DYNC2H1: variants seen among roughly 807,000 people sequenced by gnomAD.
DYNC2H1 encodes cytoplasmic dynein 2 heavy chain 1.
In DYNC2H1, 410 loss-of-function variants were observed where a neutral mutation model predicts 570.0. That is an observed-to-expected ratio of 0.72 (90% CI 0.66 to 0.78). The LOEUF (loss-of-function observed/expected upper bound fraction) is 0.78, where lower values mean the gene tolerates loss of function less well. DYNC2H1 is among the 30% of genes least tolerant of loss of function. The pLI is 0.00. For missense variants in DYNC2H1, 4,865 were observed against 5,046.4 expected, an observed-to-expected ratio of 0.96 and a Z score of 1.09; for synonymous variants, 1,688 against 1,677.6, an observed-to-expected ratio of 1.01 and a Z score of -0.15.
intron 83 of DYNC2H1, among the ~76,000 whole-genome samples, chr11:103,386,967 G>A (rs1025739665): frequency 2.0e-5 from 3 of 151,664 alleles, no homozygotes; most frequent in African/African-American, 7.2e-5. Flanking sequence ...ACATACGTGT[G>A]CATGTGTCTT....
rs1941069712 is a variant in DYNC2H1 at position 103,369,789 on chromosome 11, T to C, written c.12156+11430T>C. Among the ~76,000 whole-genome samples the C allele has an allele frequency of 6.6e-6, 1 of 152,194 alleles. No individual in the cohort carries two copies. The highest frequency in any genetic ancestry group is 6.5e-5 in the Admixed American group (1 of 15,284). ...CATCACCTGCTAACTGAAGATCCCTTGTGCCCTGCATAACCAGCAGCAATA... is the reference window on the plus strand; with the variant it reads ...CATCACCTGCTAACTGAAGATCCCTCGTGCCCTGCATAACCAGCAGCAATA... On this transcript the variant is annotated intron_variant, in intron 83 of 88. Coordinates refer to ENST00000375735, the MANE Select transcript of DYNC2H1 (RefSeq NM_001377.3). This position sits in a 1 kb window ranked among gnomAD's most constrained non-coding sequence, Gnocchi z 4.0.
rs1864583879 is a variant in DYNC2H1, at chr11:103,245,589, G to T, written c.10042+215G>T. Among the ~76,000 whole-genome samples the T allele has an allele frequency of 6.6e-6, 1 of 152,060 alleles. No individual in the cohort carries two copies. The highest frequency in any genetic ancestry group is 1.5e-5 in the Non-Finnish European group (1 of 67,980). ...ACCTAGTACCCATAGTTTACTGGGGGTTGATTACGTAAGCACACTCTCCCT... is the reference window on the plus strand; with the variant it reads ...ACCTAGTACCCATAGTTTACTGGGGTTTGATTACGTAAGCACACTCTCCCT... On this transcript the variant is annotated intron_variant, in intron 65 of 88. Transcript: ENST00000375735. This position sits in a 1 kb window ranked among gnomAD's most constrained non-coding sequence, Gnocchi z 4.5.
chr11:103,149,768 G>T (rs1271398157), intron 20 of DYNC2H1, among the ~76,000 whole-genome samples: 1 of 152,024 alleles, frequency 6.6e-6, no homozygotes, highest in Admixed American at 6.6e-5. Flanking sequence ...ACACGTGTGT[G>T]CGTGTGTGTG....
At chr11:103,146,355 C>G (rs1018232460) in intron 18 of DYNC2H1, among the ~76,000 whole-genome samples, 2 of 152,076 alleles carry the variant, frequency 1.3e-5, no homozygotes, top group Non-Finnish European at 2.9e-5. Context: ...TGAGATTTTC[C>G]TCAGATGACT....
intron 83 of DYNC2H1, among the ~76,000 whole-genome samples, chr11:103,381,258 A>C (rs940970799): frequency 6.6e-6 from 1 of 152,206 alleles, no homozygotes; most frequent in Non-Finnish European, 1.5e-5. Flanking sequence ...CAGCCTTCAC[A>C]GAGATCCTAT....
chr11:103,339,700 C>T (rs1037311662), intron 82 of DYNC2H1, among the ~76,000 whole-genome samples: 1 of 152,148 alleles, frequency 6.6e-6, no homozygotes, highest in Non-Finnish European at 1.5e-5. Context: ...GCATTCCAAG[C>T]CCAGTCTCTG....
chr11:103,176,209 A>C (rs1217146966), intron 36 of DYNC2H1, 26 bp from the exon 37 acceptor site: 5 of 1,445,818 alleles, frequency 3.5e-6, no homozygotes, highest in Non-Finnish European at 4.5e-6. Context: ...AATAATAAAT[A>C]ATTTTAAAAT....
rs1334994441 is a variant in DYNC2H1 at position 103,304,655 on chromosome 11, A to G, written c.11317A>G (p.Asn3773Asp). The G allele has an allele frequency of 6.2e-7, 1 of 1,613,356 alleles. No homozygotes were observed. Among genetic ancestry groups the G allele is most frequent in the Non-Finnish European group, 8.5e-7 (1 of 1,179,580 alleles). The change falls in exon 77 of 89, where the codon AAT becomes GAT. Residue 3773 changes from asparagine to aspartate, a missense_variant. Transcript: ENST00000375735. ...AIQMLKECAR[N>D]GDWLCLKNLH... ...TCAAATGCTAAAAGAATGTGCCCGC[A>G]ATGGAGACTGGCTCTGTTTGAAGAA...
chr11:103,377,330 C>T (rs1054792688), intron 83 of DYNC2H1, among the ~76,000 whole-genome samples: 2 of 152,042 alleles, frequency 1.3e-5, no homozygotes, highest in Non-Finnish European at 2.9e-5. Flanking sequence ...CCCCCTTGGA[C>T]TGGGTTATTT....
At chr11:103,188,723 A>G (rs1862178358) in intron 44 of DYNC2H1, 75 bp downstream of exon 44, 7 of 1,142,536 alleles carry the variant, frequency 6.1e-6, no homozygotes, top group Non-Finnish European at 8.0e-6. Context: ...TAAAGTATTT[A>G]TGATAATACT....
rs1471150337 is a variant in DYNC2H1, at chr11:103,255,455, A to G, written c.10247A>G (p.Glu3416Gly). ...ATTCAGCATGAGAAACCTGATTTAG[A>G]AGAACAGAAAACAAAACTATTACAA... Reference protein sequence around the residue: ...LTIQHEKPDLEEQKTKLLQQE... With the variant: ...LTIQHEKPDLGEQKTKLLQQE... Residue 3416 changes from glutamate (E) to glycine (G), a missense_variant, in exon 67 of 89, where the codon GAA becomes GGA. Physicochemically the swap from Glu to Gly is moderately conservative, Grantham distance 98. Transcript: ENST00000375735. 1 of 1,568,940 alleles carries G rather than the reference A, an allele frequency of 6.4e-7. No homozygotes were observed. Among genetic ancestry groups the G allele is most frequent in the South Asian group, 1.2e-5 (1 of 84,838 alleles).
intron 47 of DYNC2H1, among the ~76,000 whole-genome samples, chr11:103,197,143 A>T (rs1862534960): frequency 2.0e-5 from 3 of 150,974 alleles, no homozygotes; most frequent in African/African-American, 7.3e-5. Context: ...TTTTTTTTTT[A>T]AACATTAGGG....
At position 103,465,244 on chromosome 11, in the gene DYNC2H1, AT is replaced by A. The variant is rs1945158494; in HGVS notation, c.12649-3344del. Reference sequence around the variant, plus strand: ...GAGAGATTATCAGACTGGGGAAAAAATAAAATCCAGTTAAATGTTACTTAAA... The same window carrying A: ...GAGAGATTATCAGACTGGGGAAAAAAAAAATCCAGTTAAATGTTACTTAAA... On this transcript the variant is annotated intron_variant, in intron 87 of 88. Transcript: ENST00000375735. The surrounding 1 kb of genome is among the most constrained non-coding windows in gnomAD (Gnocchi z 4.9). Among the ~76,000 whole-genome samples, 1 of 152,232 alleles carries A rather than the reference AT, an allele frequency of 6.6e-6. No homozygotes were observed. Among genetic ancestry groups the A allele is most frequent in the African/African-American group, 2.4e-5 (1 of 41,478 alleles).
chr11:103,465,704 C>A lies in DYNC2H1; in HGVS notation c.12649-2885C>A, dbSNP rs1345212402. On this transcript the variant is annotated intron_variant, in intron 87 of 88. Transcript: ENST00000375735. This position sits in a 1 kb window ranked among gnomAD's most constrained non-coding sequence, Gnocchi z 4.9. The stretch of plus-strand genomic sequence containing the variant: ...GCTAGCTCAGTCCTTCACATGCCCT[C>A]TCATACTGTAGGTACCTCATACTGA... 1.3e-5 allele frequency among the ~76,000 whole-genome samples: 2 copies of A among 152,056 alleles called. No homozygotes were observed. Among genetic ancestry groups the A allele is most frequent in the Non-Finnish European group, 1.5e-5 (1 of 68,002 alleles).
chr11:103,474,141 GA>G, intron 88 of DYNC2H1: 1 of 198,052 alleles, frequency 5.0e-6, no homozygotes, highest in South Asian at 6.0e-5. Context: ...AAAAATCAGG[GA>G]AGTATATCTT....
intron 70 of DYNC2H1, 54 bp downstream of exon 70, chr11:103,260,031 C>T (rs767919260): frequency 8.1e-5 from 77 of 949,880 alleles, no homozygotes; most frequent in Non-Finnish European, 1.1e-4. Flanking sequence ...TGTGATTTAA[C>T]GTAATATTTA....
chr11:103,148,116 A>C (rs1440086088), intron 19 of DYNC2H1, among the ~76,000 whole-genome samples: 1 of 152,194 alleles, frequency 6.6e-6, no homozygotes, highest in Non-Finnish European at 1.5e-5. Flanking sequence ...AGAAAGGTAG[A>C]TAATTCTGAT....
rs1291278680 is a variant in DYNC2H1, at chr11:103,153,321, A to C, written c.3115A>C (p.Asn1039His). The stretch of plus-strand genomic sequence containing the variant: ...CTTATAGATTGAAGTGATGAAAGGA[A>C]ATGTGAAATCACGTCTTCAGATCTA... ...IKDQIEVMKG[N>H]VKSRLQIYYQ... The change falls in exon 22 of 89, where the codon AAT (asparagine) becomes CAT (histidine). Residue 1039 changes from asparagine to histidine, a missense_variant. Coordinates refer to ENST00000375735, the MANE Select transcript of DYNC2H1 (RefSeq NM_001377.3). 2.6e-6 allele frequency: 4 copies of C among 1,537,814 alleles called. No homozygotes were observed. The highest frequency in any genetic ancestry group is 3.5e-6 in the Non-Finnish European group (4 of 1,143,560).
chr11:103,211,890 G>A lies in DYNC2H1; in HGVS notation c.8641G>A (p.Ala2881Thr). The A allele has an allele frequency of 1.3e-6, 2 of 1,534,696 alleles. No homozygotes were observed. Among genetic ancestry groups the A allele is most frequent in the Non-Finnish European group, 1.8e-6 (2 of 1,137,404 alleles). Residue 2881 changes from alanine (A) to threonine (T), a missense_variant, in exon 54 of 89, where the codon GCC becomes ACC. Around this residue, in one of 5 missense-constraint regions of DYNC2H1, gnomAD observed 2,401 missense variants for 2,454.6 expected, o/e 0.98. Coordinates refer to ENST00000375735, the MANE Select transcript of DYNC2H1 (RefSeq NM_001377.3). ...CATGACCTTTTTACATGTGTATTCT[G>A]CCATTAGTAGTAGCAAGAAAAAGGA... ...RYMTFLHVYS[A>T]ISSSKKKELL...
Sources: allele counts gnomAD v4.1 joint callset (sites outside exome capture counted in the v4.1 genomes callset), GRCh38; gene constraint gnomAD v4.1.1; regional missense constraint gnomAD v4.1.1; non-coding constraint Gnocchi (gnomAD v3.1); transcripts MANE v1.5; gene names NCBI Gene and HGNC (gene_info 2026-07-23, HGNC 2026-07-21).